DOCK4: variants seen among roughly 807,000 people sequenced by gnomAD.
DOCK4 encodes the protein dedicator of cytokinesis protein 4.
Under a neutral mutation model 268.1 loss-of-function variants are expected in DOCK4, and 97 were observed. The observed-to-expected ratio is 0.36, with a 90% CI of 0.31 to 0.43. DOCK4 has a LOEUF of 0.43. DOCK4 is among the 20% of genes least tolerant of loss of function. The pLI, the probability that DOCK4 is intolerant of heterozygous loss-of-function variation, is 1.00. For missense variants in DOCK4, 2,145 were observed against 2,455.7 expected, an observed-to-expected ratio of 0.87 and a Z score of 2.67; for synonymous variants, 954 against 887.2, an observed-to-expected ratio of 1.08 and a Z score of -1.34.
At chr7:111,768,634 G>A (rs1284258934) in intron 37 of DOCK4, among the ~76,000 whole-genome samples, 2 of 152,164 alleles carry the variant, frequency 1.3e-5, no homozygotes, top group Non-Finnish European at 2.9e-5. Context: ...GGTAGGAAGT[G>A]GAGGGAGGTG....
At chr7:112,073,690 G>A (rs1043174577) in intron 1 of DOCK4, among the ~76,000 whole-genome samples, 37 of 152,052 alleles carry the variant, frequency 2.4e-4, no homozygotes, top group Admixed American at 1.8e-3. Flanking sequence ...ACTTATCTAT[G>A]GGAGCTAAAA....
chr7:112,177,348 T>G (rs2116661787), intron 1 of DOCK4, among the ~76,000 whole-genome samples: 1 of 152,360 alleles, frequency 6.6e-6, no homozygotes, highest in South Asian at 2.1e-4. Flanking sequence ...TTACCAAGGC[T>G]TTTGTGATGA....
At chr7:111,818,085 T>C (rs181825679) in intron 27 of DOCK4, among the ~76,000 whole-genome samples, 59 of 152,346 alleles carry the variant, frequency 3.9e-4, no homozygotes, top group Non-Finnish European at 7.3e-4. Flanking sequence ...TCTTACATCA[T>C]AGGCTGCTCT....
In DOCK4 at chr7:111,811,880, A is replaced by C; in HGVS notation, c.3000T>G (p.Asp1000Glu). 1 of 1,510,956 alleles carries C rather than the reference A, an allele frequency of 6.6e-7. No homozygotes were observed. Among genetic ancestry groups the C allele is most frequent in the Non-Finnish European group, 9.0e-7 (1 of 1,111,770 alleles). The allele number at this position is 1,510,956 out of a possible 1,614,324, so 93.6% of individuals were successfully genotyped here. Residue 1000 changes from aspartate (D) to glutamate (E), a missense_variant, in exon 28 of 53, where the codon GAT becomes GAG. By Grantham distance (45) the Asp-to-Glu change is conservative. This residue lies in a region of DOCK4 where 1,598 missense variants were observed against 1,986.7 expected (regional missense o/e 0.80). Coordinates refer to ENST00000428084, the MANE Select transcript of DOCK4 (RefSeq NM_001363540.2). ...CATATAAATGAATGCTTACCTTATAATCAAAGTTTTCATTTAAGAAGTTCT... is the reference window on the plus strand; with the variant it reads ...CATATAAATGAATGCTTACCTTATACTCAAAGTTTTCATTTAAGAAGTTCT... The part of the protein sequence containing the change: ...LRKNFLNENF[D>E]YKIWDSYFYL...
intron 1 of DOCK4, among the ~76,000 whole-genome samples, chr7:112,133,448 T>A (rs943004198): frequency 1.3e-5 from 2 of 152,170 alleles, no homozygotes; most frequent in African/African-American, 4.8e-5. Flanking sequence ...AAAGGCTGCT[T>A]GGCCCAGGTA....
At chr7:111,975,302 G>A (rs974311160) in intron 8 of DOCK4, among the ~76,000 whole-genome samples, 1 of 152,070 alleles carries the variant, frequency 6.6e-6, no homozygotes, top group Non-Finnish European at 1.5e-5. Flanking sequence ...TAGTTTAACA[G>A]AAATGAGCAA....
chr7:111,815,352 G>C (rs1801460869), intron 27 of DOCK4, among the ~76,000 whole-genome samples: 1 of 152,068 alleles, frequency 6.6e-6, no homozygotes, highest in African/African-American at 2.4e-5. Flanking sequence ...TAACACACAG[G>C]TCTCTAAGCT....
At chr7:111,974,600 G>A (rs777890789) in intron 8 of DOCK4, among the ~76,000 whole-genome samples, 26 of 149,018 alleles carry the variant, frequency 1.7e-4, no homozygotes, top group Non-Finnish European at 3.4e-4. Context: ...GGAGGAGGGT[G>A]ACAAAAGGGG....
At chr7:112,042,522 T>A (rs1804477532) in intron 1 of DOCK4, among the ~76,000 whole-genome samples, 1 of 152,012 alleles carries the variant, frequency 6.6e-6, no homozygotes, top group Admixed American at 6.5e-5. Flanking sequence ...GAGTAGAAGT[T>A]CCATGAATGC....
intron 1 of DOCK4, among the ~76,000 whole-genome samples, chr7:112,057,733 T>C (rs1159645292): frequency 1.3e-5 from 2 of 151,676 alleles, no homozygotes. Context: ...TATGATCACA[T>C]CACTGCACTC....
At chr7:111,978,031 A>G (rs1798339401) in intron 7 of DOCK4, among the ~76,000 whole-genome samples, 1 of 152,206 alleles carries the variant, frequency 6.6e-6, no homozygotes, top group Non-Finnish European at 1.5e-5. Flanking sequence ...AAGGAGGATA[A>G]CATGGGGATG....
chr7:111,829,940 C>T (rs992670583), intron 26 of DOCK4, among the ~76,000 whole-genome samples: 7 of 151,996 alleles, frequency 4.6e-5, no homozygotes, highest in African/African-American at 1.7e-4. Flanking sequence ...ATTGGAGGTG[C>T]TATATATGTA....
At chr7:111,867,463 T>C (rs1806065498) in intron 22 of DOCK4, among the ~76,000 whole-genome samples, 2 of 152,196 alleles carry the variant, frequency 1.3e-5, no homozygotes, top group South Asian at 4.2e-4. Flanking sequence ...AAAAAAAACA[T>C]GTGGGGCTAC....
chr7:112,132,041 A>G (rs1300366960), intron 1 of DOCK4, among the ~76,000 whole-genome samples: 1 of 152,192 alleles, frequency 6.6e-6, no homozygotes, highest in Non-Finnish European at 1.5e-5. Context: ...TTTCGGGCAG[A>G]TTTATTAATA....
At chr7:111,934,357 T>C (rs940271056) in intron 12 of DOCK4, among the ~76,000 whole-genome samples, 4 of 152,154 alleles carry the variant, frequency 2.6e-5, no homozygotes, top group Non-Finnish European at 5.9e-5. Context: ...TGGTATATAT[T>C]TCAGTTCCTC....
chr7:112,111,029 G>A (rs1347904252), intron 1 of DOCK4, among the ~76,000 whole-genome samples: 2 of 152,186 alleles, frequency 1.3e-5, no homozygotes, highest in African/African-American at 4.8e-5. Flanking sequence ...AGTATAAGGC[G>A]TGCGGGTGAC....
chr7:111,854,715 T>C (rs924794504), intron 23 of DOCK4, among the ~76,000 whole-genome samples: 2 of 152,190 alleles, frequency 1.3e-5, no homozygotes. Flanking sequence ...TCCCGATCCC[T>C]AACCCATGAT....
At chr7:111,767,847 GGTC>G (rs1386015608) in intron 37 of DOCK4, among the ~76,000 whole-genome samples, 1 of 151,860 alleles carries the variant, frequency 6.6e-6, no homozygotes, top group African/African-American at 2.4e-5. Context: ...AATTGTGAGA[GGTC>G]TAACCAAGTT....
Position 112,128,594 on chromosome 7 carries a change from T to A in DOCK4, c.37+77508A>T, listed in dbSNP as rs184039712. 3.9e-3 allele frequency among the ~76,000 whole-genome samples: 589 copies of A among 152,358 alleles called. 1 individual carries two copies. The highest frequency in any genetic ancestry group is 5.1e-3 in the Non-Finnish European group (344 of 68,028). On this transcript the variant is annotated intron_variant, in intron 1 of 52. Coordinates refer to ENST00000428084, the MANE Select transcript of DOCK4 (RefSeq NM_001363540.2). The stretch of plus-strand genomic sequence containing the variant: ...TAAGAGAAATTCTTCTGCCTTGGGA[T>A]CCTGTTATCTGTGACCTTACCCCCA...
Sources: gnomAD v4.1 joint callset for allele counts (sites outside exome capture counted in the v4.1 genomes callset) on GRCh38, gnomAD v4.1.1 for gene constraint, gnomAD v4.1.1 regional missense constraint, MANE v1.5 for transcripts, NCBI Gene and HGNC (gene_info 2026-07-23, HGNC 2026-07-21) for gene names.